The following TUSC3 variants were observed in gnomAD, a reference collection of about 807,000 sequenced individuals.
TUSC3 encodes the protein tumor suppressor candidate 3.
Under a neutral mutation model 44.8 loss-of-function variants are expected in TUSC3, and 45 were observed. The observed-to-expected ratio is 1.00, with a 90% CI of 0.79 to 1.29. The LOEUF is 1.29. Among genes scored for constraint, TUSC3 ranks in the 50% most tolerant of loss-of-function variants. TUSC3 has a pLI of 0.00. For synonymous variants in TUSC3, 212 were observed against 152.9 expected, an observed-to-expected ratio of 1.39 and a Z score of -2.85; for missense variants, 519 against 437.9, an observed-to-expected ratio of 1.19 and a Z score of -1.65.
At chr8:15,671,771 C>A (rs1205584228) in intron 5 of TUSC3, among the ~76,000 whole-genome samples, 1 of 151,994 alleles carries the variant, frequency 6.6e-6, no homozygotes, top group Non-Finnish European at 1.5e-5. Context: ...TCGCTTTATC[C>A]TCAGCTTCTA....
intron 6 of TUSC3, among the ~76,000 whole-genome samples, chr8:15,691,207 T>C (rs1327017293): frequency 6.6e-6 from 1 of 152,086 alleles, no homozygotes; most frequent in Non-Finnish European, 1.5e-5. Context: ...TTATGAAATA[T>C]TTCAGAGGTC....
At chr8:15,703,898 C>T (rs981585242) in intron 6 of TUSC3, among the ~76,000 whole-genome samples, 1 of 152,108 alleles carries the variant, frequency 6.6e-6, no homozygotes, top group Non-Finnish European at 1.5e-5. Flanking sequence ...CTCATTCGCT[C>T]AGCAAAAGTT....
At chr8:15,784,059 C>G in the TUSC3 span, among the ~76,000 whole-genome samples, 1 of 152,012 alleles carries the variant, frequency 6.6e-6, no homozygotes, top group Non-Finnish European at 1.5e-5. Context: ...AGACATTTCA[C>G]AAAAGAATAC....
intron 6 of TUSC3, among the ~76,000 whole-genome samples, chr8:15,705,877 G>A (rs1809595440): frequency 6.6e-6 from 1 of 151,916 alleles, no homozygotes; most frequent in Non-Finnish European, 1.5e-5. Context: ...AAACTGTGCC[G>A]CCTTTCCTGC....
intron 1 of TUSC3, among the ~76,000 whole-genome samples, chr8:15,577,936 C>T (rs994563603): frequency 6.6e-6 from 1 of 150,504 alleles, no homozygotes; most frequent in Admixed American, 6.6e-5. Context: ...CTGATTCTTC[C>T]TACCCATGAG....
intron 2 of TUSC3, among the ~76,000 whole-genome samples, chr8:15,527,731 C>A (rs1200279071): frequency 6.6e-6 from 1 of 152,108 alleles, no homozygotes; most frequent in Non-Finnish European, 1.5e-5. Context: ...CTGAAGCTCA[C>A]TTTATTTTCA....
chr8:15,532,576 C>A (rs1478196776), intron 2 of TUSC3, among the ~76,000 whole-genome samples: 1 of 152,054 alleles, frequency 6.6e-6, no homozygotes, highest in African/African-American at 2.4e-5. Context: ...AGGGTGTGGG[C>A]AGATAAGAGA....
At chr8:15,846,914 G>T in the TUSC3 span, among the ~76,000 whole-genome samples, 2 of 151,254 alleles carry the variant, frequency 1.3e-5, no homozygotes, top group African/African-American at 2.4e-5. Context: ...TAAGCCAAAG[G>T]GGGGAATAAA....
At chr8:15,480,464 A>T (rs1800643058) in intron 1 of TUSC3, among the ~76,000 whole-genome samples, 1 of 152,234 alleles carries the variant, frequency 6.6e-6, no homozygotes, top group South Asian at 2.1e-4. Context: ...ACTTTCTCAC[A>T]GGCCAGAAGT....
At chr8:15,633,764 AG>A in intron 2 of TUSC3, among the ~76,000 whole-genome samples, 1 of 152,284 alleles carries the variant, frequency 6.6e-6, no homozygotes, top group East Asian at 1.9e-4. Context: ...CAGTTTTAAG[AG>A]GGAGCATGGC....
the TUSC3 span, among the ~76,000 whole-genome samples, chr8:15,848,130 C>G: frequency 3.9e-5 from 6 of 152,102 alleles, no homozygotes; most frequent in Non-Finnish European, 7.4e-5. Flanking sequence ...CCTCCTTCCC[C>G]CCGAGTGAAG....
At chr8:15,506,667 A>T (rs1240846090) in intron 2 of TUSC3, among the ~76,000 whole-genome samples, 1 of 152,098 alleles carries the variant, frequency 6.6e-6, no homozygotes, top group Non-Finnish European at 1.5e-5. Context: ...AAATCATCGG[A>T]TCTTGTGAGA....
intron 2 of TUSC3, among the ~76,000 whole-genome samples, chr8:15,643,732 C>T (rs1391419585): frequency 2.6e-5 from 4 of 152,150 alleles, no homozygotes; most frequent in African/African-American, 9.7e-5. Context: ...TAATATATTT[C>T]AGTGAATTCA....
At chr8:15,713,299 A>G (rs1002136164) in intron 6 of TUSC3, among the ~76,000 whole-genome samples, 1 of 152,192 alleles carries the variant, frequency 6.6e-6, no homozygotes, top group Admixed American at 6.6e-5. Flanking sequence ...TTGTAAGTAT[A>G]TATAATACAT....
At chr8:15,564,177 A>G (rs893947377) in intron 1 of TUSC3, among the ~76,000 whole-genome samples, 4 of 152,132 alleles carry the variant, frequency 2.6e-5, no homozygotes, top group African/African-American at 9.7e-5. Flanking sequence ...CACTTCAAAA[A>G]TCATTAGAAA....
upstream of TUSC3, among the ~76,000 whole-genome samples, chr8:15,538,574 T>C (rs942167861): frequency 6.6e-6 from 1 of 152,184 alleles, no homozygotes; most frequent in Non-Finnish European, 1.5e-5. Flanking sequence ...ACCTAGTTGA[T>C]AGGGTTGTTG....
At chr8:15,438,095 G>C (rs544445189) in intron 1 of TUSC3, among the ~76,000 whole-genome samples, 1 of 152,192 alleles carries the variant, frequency 6.6e-6, no homozygotes, top group Non-Finnish European at 1.5e-5. Context: ...TTGTCGATGT[G>C]TGTTTTGTTG....
intron 1 of TUSC3, among the ~76,000 whole-genome samples, chr8:15,568,151 T>A (rs1388398788): frequency 2.0e-5 from 3 of 152,140 alleles, no homozygotes; most frequent in Non-Finnish European, 2.9e-5. Flanking sequence ...CCTTGCTCAT[T>A]GGCCTGTGAA....
At chr8:15,505,761 T>C (rs775394570) in intron 2 of TUSC3, among the ~76,000 whole-genome samples, 18 of 152,162 alleles carry the variant, frequency 1.2e-4, no homozygotes, top group Non-Finnish European at 2.5e-4. Flanking sequence ...ATTTTTTTTC[T>C]GTTTTTTTTA....
Sources: allele counts gnomAD v4.1 joint callset (sites outside exome capture counted in the v4.1 genomes callset), GRCh38; gene constraint gnomAD v4.1.1; transcripts MANE v1.5; gene names NCBI Gene and HGNC (gene_info 2026-07-23, HGNC 2026-07-21).